LRRC7: variants seen among roughly 807,000 people sequenced by gnomAD.
LRRC7 encodes leucine rich repeat containing 7.
LRRC7 carries 23 observed loss-of-function variants against 175.7 expected under a neutral mutation model. That is an observed-to-expected ratio of 0.13 (90% CI 0.09 to 0.19). The LOEUF is 0.19. Ranked by LOEUF, LRRC7 falls within the 10% of genes least tolerant of loss-of-function variation. The pLI, the probability that LRRC7 is intolerant of heterozygous loss-of-function variation, is 1.00. For synonymous variants in LRRC7, 685 were observed against 680.9 expected (o/e 1.01, Z -0.09); for missense variants, 1,354 against 1,904.7 (o/e 0.71, Z 5.38).
intron 22 of LRRC7, among the ~76,000 whole-genome samples, chr1:70,052,275 A>G (rs990610070): frequency 6.6e-6 from 1 of 152,112 alleles, no homozygotes; most frequent in Admixed American, 6.6e-5. Context: ...TATGAAATTC[A>G]CCCAAAATAA....
chr1:69,876,131 C>T (rs994614937), intron 7 of LRRC7, among the ~76,000 whole-genome samples: 7 of 152,212 alleles, frequency 4.6e-5, no homozygotes, highest in Admixed American at 1.3e-4. Flanking sequence ...CCGTATATTT[C>T]TCAGAAGTTA....
At chr1:69,904,870 G>C (rs529401339) in intron 7 of LRRC7, among the ~76,000 whole-genome samples, 29 of 151,992 alleles carry the variant, frequency 1.9e-4, no homozygotes, top group African/African-American at 5.3e-4. Flanking sequence ...CCTTTTTCTT[G>C]TCCATATATA....
Position 70,059,471 on chromosome 1 carries a change from GAAA to G in LRRC7, c.4230+6327_4230+6329del, listed in dbSNP as rs1487845661. Among the ~76,000 whole-genome samples the G allele has an allele frequency of 5.0e-3, 646 of 129,112 alleles. 3 individuals are homozygous for G. Among genetic ancestry groups the G allele is most frequent in the South Asian group, 0.029 (113 of 3,948 alleles). The allele number at this position is 129,112 out of a possible 152,430, so 84.7% of individuals were successfully genotyped here. On this transcript the variant is annotated intron_variant, in intron 23 of 26. Transcript: ENST00000651989. The stretch of plus-strand genomic sequence containing the variant: ...AATTTATCAGAAGAAGAAACTAGAA[GAAA>G]GTGTGTGTGTGTGTGTGTGTGTGTG...
At chr1:69,741,843 C>A (rs12078310) in intron 2 of LRRC7, among the ~76,000 whole-genome samples, 2,949 of 152,018 alleles carry the variant, frequency 0.019, 105 homozygotes, top group African/African-American at 0.066. Context: ...AGTTTCCCAA[C>A]CTTCTTCAAA....
chr1:69,798,839 T>G (rs185013895), intron 4 of LRRC7, among the ~76,000 whole-genome samples: 25 of 152,292 alleles, frequency 1.6e-4, no homozygotes, highest in Admixed American at 1.4e-3. Flanking sequence ...AAATTACCAA[T>G]GTCCCCATTG....
intron 1 of LRRC7, among the ~76,000 whole-genome samples, chr1:69,635,631 C>G (rs1441001026): frequency 6.6e-6 from 1 of 151,870 alleles, no homozygotes; most frequent in African/African-American, 2.4e-5. Context: ...ATTTTACAGA[C>G]CACATTTTCA....
intron 2 of LRRC7, among the ~76,000 whole-genome samples, chr1:69,713,763 G>C (rs533315800): frequency 6.6e-6 from 1 of 151,052 alleles, no homozygotes; most frequent in Non-Finnish European, 1.5e-5. Flanking sequence ...GTATGAAACT[G>C]ATCAAAGGGT....
chr1:70,060,410 A>G (rs984320982), intron 23 of LRRC7, among the ~76,000 whole-genome samples: 2 of 152,192 alleles, frequency 1.3e-5, no homozygotes, highest in Admixed American at 6.5e-5. Context: ...AAATATTGCT[A>G]TCAGTACTCT....
chr1:69,614,998 C>T (rs1649389443), intron 1 of LRRC7, among the ~76,000 whole-genome samples: 1 of 152,010 alleles, frequency 6.6e-6, no homozygotes, highest in African/African-American at 2.4e-5. Context: ...TTTTCTTCTA[C>T]TTTTTCCATC....
chr1:69,692,420 A>G (rs1662003945), intron 2 of LRRC7, among the ~76,000 whole-genome samples: 1 of 152,202 alleles, frequency 6.6e-6, no homozygotes, highest in African/African-American at 2.4e-5. Flanking sequence ...TTATCTCTTA[A>G]GGCATTAGGC....
At chr1:69,712,337 G>T (rs528556976) in intron 2 of LRRC7, among the ~76,000 whole-genome samples, 118 of 152,214 alleles carry the variant, frequency 7.8e-4, no homozygotes, top group African/African-American at 2.8e-3. Context: ...AGGTGCAGTG[G>T]CTACGCCTGT....
At chr1:69,614,284 G>T (rs189305157) in intron 1 of LRRC7, among the ~76,000 whole-genome samples, 6 of 152,096 alleles carry the variant, frequency 3.9e-5, no homozygotes, top group Admixed American at 3.9e-4. Context: ...ACAGACACAG[G>T]TCCTCTCCTC....
chr1:70,076,547 G>T (rs1295187363), intron 24 of LRRC7, among the ~76,000 whole-genome samples: 1 of 152,094 alleles, frequency 6.6e-6, no homozygotes, highest in African/African-American at 2.4e-5. Context: ...AGTTTTTCCA[G>T]TACCATCCTA....
At position 70,137,369 on chromosome 1, in the gene LRRC7, A is replaced by G. The variant is rs1048038327; in HGVS notation, c.*15482A>G. ...AAGGCTTACTGTTCCACTTAAAGGG[A>G]TCAATCTGAGGGAAGAAGAGAAGTT... On this transcript the variant is annotated 3_prime_UTR_variant, in exon 27 of 27. Coordinates refer to ENST00000651989, the MANE Select transcript of LRRC7 (RefSeq NM_001370785.2). Among the ~76,000 whole-genome samples, 5 of 152,180 alleles carry G rather than the reference A, an allele frequency of 3.3e-5. No homozygotes were observed. Among genetic ancestry groups the G allele is most frequent in the Admixed American group, 2.0e-4 (3 of 15,284 alleles).
At chr1:69,845,902 A>G (rs564863774) in intron 7 of LRRC7, among the ~76,000 whole-genome samples, 103 of 152,194 alleles carry the variant, frequency 6.8e-4, no homozygotes, top group African/African-American at 2.5e-3. Flanking sequence ...ATTTATATCA[A>G]TTTACAAGGT....
chr1:69,898,579 A>G (rs763750938), intron 7 of LRRC7, among the ~76,000 whole-genome samples: 2 of 152,214 alleles, frequency 1.3e-5, no homozygotes, highest in Non-Finnish European at 2.9e-5. Flanking sequence ...ACTGAATGCC[A>G]CAGTTTGCAC....
chr1:69,587,797 G>A (rs1646462642), intron 1 of LRRC7, among the ~76,000 whole-genome samples: 1 of 152,150 alleles, frequency 6.6e-6, no homozygotes, highest in South Asian at 2.1e-4. Flanking sequence ...CTGCTGCCAT[G>A]TAAGACGTGC....
At chr1:69,688,631 G>GT (rs78791999) in intron 2 of LRRC7, among the ~76,000 whole-genome samples, 6,030 of 124,448 alleles carry the variant, frequency 0.048, 310 homozygotes, top group African/African-American at 0.14. Context: ...TCTTTTTATG[G>GT]TTTTTTTTTT....
chr1:69,897,960 G>C (rs1157579490), intron 7 of LRRC7, among the ~76,000 whole-genome samples: 3 of 152,210 alleles, frequency 2.0e-5, no homozygotes. Flanking sequence ...GCTCCGTGCA[G>C]AGTAGATTAT....
Sources: allele counts gnomAD v4.1 joint callset (sites outside exome capture counted in the v4.1 genomes callset), GRCh38; gene constraint gnomAD v4.1.1; transcripts MANE v1.5; gene names NCBI Gene and HGNC (gene_info 2026-07-23, HGNC 2026-07-21).